MOXD1: variants seen among roughly 807,000 people sequenced by gnomAD.
MOXD1 encodes DBH-like monooxygenase protein 1.
MOXD1 carries 62 observed loss-of-function variants against 66.6 expected under a neutral mutation model. That is an observed-to-expected ratio of 0.93 (90% confidence interval 0.76 to 1.15). The LOEUF is 1.15. MOXD1 is among the 50% of genes most tolerant of loss of function. The probability of loss-of-function intolerance (pLI) is 0.00; values close to 1 mark genes in which losing one functional copy is unlikely to be tolerated. For synonymous variants in MOXD1, 303 were observed against 281.9 expected, an observed-to-expected ratio of 1.07 and a Z score of -0.75; for missense variants, 847 against 754.6, an observed-to-expected ratio of 1.12 and a Z score of -1.44.
chr6:132,310,854 G>C (rs1186887879), intron 10 of MOXD1, among the ~76,000 whole-genome samples: 1 of 152,084 alleles, frequency 6.6e-6, no homozygotes, highest in Non-Finnish European at 1.5e-5. Flanking sequence ...TGGGGGATGG[G>C]GGGTGAAGGG....
intron 1 of MOXD1, among the ~76,000 whole-genome samples, chr6:132,394,662 C>A (rs1776835185): frequency 6.6e-6 from 1 of 151,930 alleles, no homozygotes; most frequent in Non-Finnish European, 1.5e-5. Flanking sequence ...CTGAAGAATT[C>A]ATTGAATTAA....
intron 10 of MOXD1, among the ~76,000 whole-genome samples, chr6:132,303,281 G>A (rs984880384): frequency 4.6e-5 from 7 of 152,058 alleles, no homozygotes; most frequent in African/African-American, 1.2e-4. Flanking sequence ...TACATCCAAA[G>A]TATAAAGAAT....
chr6:132,309,681 G>A (rs182377598), intron 10 of MOXD1, among the ~76,000 whole-genome samples: 1 of 151,936 alleles, frequency 6.6e-6, no homozygotes, highest in Admixed American at 6.6e-5. Context: ...ACATGGAGCA[G>A]AACAAAGACC....
chr6:132,302,795 A>G (rs1774571129), intron 10 of MOXD1, among the ~76,000 whole-genome samples: 1 of 152,160 alleles, frequency 6.6e-6, no homozygotes, highest in African/African-American at 2.4e-5. Context: ...CCTACATTTA[A>G]GACTTCCTAT....
intron 1 of MOXD1, among the ~76,000 whole-genome samples, chr6:132,389,837 T>C (rs1300009980): frequency 1.3e-5 from 2 of 151,414 alleles, no homozygotes; most frequent in Non-Finnish European, 3.0e-5. Context: ...CTTTTATAAG[T>C]GAGGTTTCAA....
chr6:132,384,686 T>A (rs1173368772), intron 1 of MOXD1, among the ~76,000 whole-genome samples: 1 of 138,418 alleles, frequency 7.2e-6, no homozygotes, highest in African/African-American at 3.0e-5. Flanking sequence ...CAGGAAGAGA[T>A]TAGCTATTGA....
At chr6:132,372,559 A>C (rs1268765487) in intron 4 of MOXD1, 49 bp downstream of exon 4, 1 of 1,451,072 alleles carries the variant, frequency 6.9e-7, no homozygotes, top group South Asian at 1.2e-5. Flanking sequence ...ACATCAATTT[A>C]TTTTTCCACT....
At chr6:132,377,467 C>T (rs1476848802) in intron 1 of MOXD1, among the ~76,000 whole-genome samples, 2 of 152,140 alleles carry the variant, frequency 1.3e-5, no homozygotes, top group East Asian at 3.8e-4. Context: ...CCATTATTTC[C>T]ACAAAATATC....
intron 4 of MOXD1, among the ~76,000 whole-genome samples, chr6:132,354,741 A>G (rs1263780035): frequency 6.6e-6 from 1 of 152,138 alleles, no homozygotes; most frequent in Non-Finnish European, 1.5e-5. Context: ...GTTTGTCTTC[A>G]GCTACCAGGG....
Position 132,297,438 on chromosome 6 carries a change from A to AGTG in MOXD1, c.1678-122_1678-121insCAC. 3.0e-6 allele frequency: 3 copies of AGTG among 1,007,906 alleles called. No homozygotes were observed. The South Asian group carries it at 4.9e-5, about 16-fold the overall frequency. 62.4% of individuals were successfully genotyped at this position (1,007,906 alleles called of 1,614,324 possible). ...AGGGGGCAGGAGTGGTTACCAAAGG[A>AGTG]GTCACACACTGGGGGAGTCAGAAAC... On this transcript the variant is annotated intron_variant, in intron 11 of 11. Transcript: ENST00000367963.
chr6:132,307,436 C>A (rs1774719725), intron 10 of MOXD1, among the ~76,000 whole-genome samples: 1 of 152,126 alleles, frequency 6.6e-6, no homozygotes, highest in Non-Finnish European at 1.5e-5. Flanking sequence ...TTTAACACCC[C>A]AATGTCAGTA....
At chr6:132,320,800 AT>A in intron 8 of MOXD1, 112 bp from the exon 9 acceptor site, 1 of 855,344 alleles carries the variant, frequency 1.2e-6, no homozygotes, top group South Asian at 1.7e-5. Context: ...GCGCCAAGTA[AT>A]TTCATTCAGC....
At chr6:132,324,836 T>C (rs184446260) in intron 6 of MOXD1, among the ~76,000 whole-genome samples, 2 of 152,226 alleles carry the variant, frequency 1.3e-5, no homozygotes, top group African/African-American at 4.8e-5. Flanking sequence ...TTCCCCTCAG[T>C]TTCCTTTCTT....
At chr6:132,353,756 T>C (rs1196391936) in intron 4 of MOXD1, among the ~76,000 whole-genome samples, 1 of 152,206 alleles carries the variant, frequency 6.6e-6, no homozygotes, top group Non-Finnish European at 1.5e-5. Flanking sequence ...CCCAAATATG[T>C]TTCCAAACTT....
At chr6:132,327,195 A>G (rs967128666) in intron 6 of MOXD1, among the ~76,000 whole-genome samples, 2 of 152,190 alleles carry the variant, frequency 1.3e-5, no homozygotes, top group Non-Finnish European at 2.9e-5. Context: ...GGATTAGGTC[A>G]CCAATTAAAT....
At chr6:132,392,836 A>ATATCCTGTT (rs1776795909) in intron 1 of MOXD1, among the ~76,000 whole-genome samples, 1 of 152,220 alleles carries the variant, frequency 6.6e-6, no homozygotes, top group Admixed American at 6.5e-5. Context: ...CTCTTTGCGG[A>ATATCCTGTT]AATATCTCCA....
At chr6:132,401,126 G>C (rs1431612992) in intron 1 of MOXD1, 37 bp downstream of exon 1, 1 of 1,464,644 alleles carries the variant, frequency 6.8e-7, no homozygotes, top group Middle Eastern at 2.4e-4. Context: ...ACGGGACCGG[G>C]CTCGGCCGGG....
Position 132,298,885 on chromosome 6 carries a change from C to A in MOXD1, c.1509-930G>T, listed in dbSNP as rs570905715. 1.5e-4 allele frequency among the ~76,000 whole-genome samples: 23 copies of A among 152,236 alleles called. No individual in the cohort carries two copies. The South Asian group carries it at 4.6e-3, about 30-fold the overall frequency. On this transcript the variant is annotated intron_variant, in intron 10 of 11. Coordinates refer to ENST00000367963, the MANE Select transcript of MOXD1 (RefSeq NM_015529.4). ...TGTAGATTTCTCAAAGAACTTAAAA[C>A]AGAACTACCATTCAACCCAGTAATC...
intron 10 of MOXD1, among the ~76,000 whole-genome samples, chr6:132,310,298 C>T (rs1457018491): frequency 2.6e-5 from 4 of 152,144 alleles, no homozygotes; most frequent in African/African-American, 9.7e-5. Context: ...CAAAGAGATA[C>T]CATCTCATTC....
Sources: allele counts gnomAD v4.1 joint callset (sites outside exome capture counted in the v4.1 genomes callset), GRCh38; gene constraint gnomAD v4.1.1; transcripts MANE v1.5; gene names NCBI Gene and HGNC (gene_info 2026-07-23, HGNC 2026-07-21).